DSCC1: variants seen among roughly 807,000 people sequenced by gnomAD.
The protein encoded by DSCC1 is sister chromatid cohesion protein DCC1.
Under a neutral mutation model 48.2 loss-of-function variants are expected in DSCC1, and 32 were observed. The ratio of observed to expected loss-of-function variants is 0.66; its 90% confidence interval spans 0.50 to 0.89. DSCC1 has a LOEUF of 0.89. Among genes scored for constraint, DSCC1 ranks in the 40% least tolerant of loss-of-function variants. DSCC1 has a pLI of 0.00. For synonymous variants in DSCC1, 150 were observed against 171.5 expected, an observed-to-expected ratio of 0.87 and a Z score of 0.98; for missense variants, 421 against 471.7, an observed-to-expected ratio of 0.89 and a Z score of 1.00.
At chr8:119,843,398 T>C (rs1826804023) in intron 5 of DSCC1, among the ~76,000 whole-genome samples, 1 of 152,210 alleles carries the variant, frequency 6.6e-6, no homozygotes, top group Non-Finnish European at 1.5e-5. Context: ...TATTTCTTTA[T>C]ATTTTTATGG....
rs1456819093 is a variant in DSCC1, at chr8:119,854,869, AC to A, written c.182+744del. ...ACTCTTTGGTGGGCAAAGTACGAAA[AC>A]TGAAAGACAGCCTAAAGGATTCCAT... On this transcript the variant is annotated intron_variant, in intron 1 of 8. Coordinates refer to ENST00000313655, the MANE Select transcript of DSCC1 (RefSeq NM_024094.3). Among the ~76,000 whole-genome samples, 3 of 152,344 alleles carry A rather than the reference AC, an allele frequency of 2.0e-5. No individual in the cohort carries two copies. In the South Asian group the frequency reaches 6.2e-4, roughly 32 times the overall value.
chr8:119,839,805 C>A (rs1826740744), intron 7 of DSCC1: 1 of 152,250 alleles, frequency 6.6e-6, no homozygotes, highest in South Asian at 2.1e-4. Flanking sequence ...ACCGTGCTCT[C>A]CTAGATTTCC....
At chr8:119,847,661 CTTTTTCT>C (rs143130022) in intron 3 of DSCC1, among the ~76,000 whole-genome samples, 54,738 of 141,304 alleles carry the variant, frequency 0.39, 10,131 homozygotes, top group South Asian at 0.56. Flanking sequence ...ATTTTTTCTT[CTTTTTCT>C]TTTTTTTTTT....
At chr8:119,836,770 A>G (rs1268715468) in intron 8 of DSCC1, among the ~76,000 whole-genome samples, 2 of 152,090 alleles carry the variant, frequency 1.3e-5, no homozygotes, top group African/African-American at 4.8e-5. Flanking sequence ...GGCCTAGATG[A>G]GGGCACCAAA....
At chr8:119,845,970 C>T (rs1236881098) in intron 4 of DSCC1, among the ~76,000 whole-genome samples, 1 of 151,988 alleles carries the variant, frequency 6.6e-6, no homozygotes, top group African/African-American at 2.4e-5. Flanking sequence ...ATTAATTTTG[C>T]TAGGAGTTCA....
intron 7 of DSCC1, chr8:119,840,398 A>G (rs1375177264): frequency 6.6e-6 from 1 of 152,236 alleles, no homozygotes; most frequent in East Asian, 1.9e-4. Context: ...GGAGGTGACC[A>G]GATGAAATTA....
chr8:119,847,863 C>T (rs1826881561), intron 3 of DSCC1, among the ~76,000 whole-genome samples: 1 of 152,060 alleles, frequency 6.6e-6, no homozygotes, highest in Admixed American at 6.5e-5. Context: ...CACGGTTTCT[C>T]CGTGTAGGTC....
intron 2 of DSCC1, 25 bp downstream of exon 2, chr8:119,853,022 T>A: frequency 6.6e-7 from 1 of 1,512,784 alleles, no homozygotes; most frequent in Non-Finnish European, 8.9e-7. Context: ...CAGACTTTTA[T>A]AAATCAGAGT....
chr8:119,845,659 A>G (rs1270521974), intron 4 of DSCC1, among the ~76,000 whole-genome samples: 1 of 150,566 alleles, frequency 6.6e-6, no homozygotes, highest in Non-Finnish European at 1.5e-5. Context: ...AAAAAAAAAA[A>G]GCTTTAGGGC....
intron 8 of DSCC1, among the ~76,000 whole-genome samples, chr8:119,836,425 G>C (rs1274769787): frequency 1.3e-5 from 2 of 152,172 alleles, no homozygotes; most frequent in African/African-American, 4.8e-5. Context: ...AAGGAGAAAG[G>C]AGAAGGGGGC....
At chr8:119,847,667 CTT>C (rs869072335) in intron 3 of DSCC1, among the ~76,000 whole-genome samples, 9 of 52,908 alleles carry the variant, frequency 1.7e-4, no homozygotes, top group Admixed American at 4.8e-4. Flanking sequence ...TCTTCTTTTT[CTT>C]TTTTTTTTTT....
chr8:119,849,180 C>T (rs1563946456), intron 3 of DSCC1, among the ~76,000 whole-genome samples: 2 of 71,238 alleles, frequency 2.8e-5, no homozygotes, highest in African/African-American at 1.0e-4. Flanking sequence ...GCGAGACTCC[C>T]TCTCAAAAAA....
chr8:119,848,725 T>C (rs1826898324), intron 3 of DSCC1, among the ~76,000 whole-genome samples: 1 of 152,224 alleles, frequency 6.6e-6, no homozygotes, highest in Non-Finnish European at 1.5e-5. Flanking sequence ...CAAATGTCTA[T>C]TAGCTGACAA....
rs1414089701 is a variant in DSCC1, at chr8:119,855,866, C to T, written c.-71G>A. The T allele has an allele frequency of 3.4e-5, 48 of 1,398,322 alleles. No homozygotes were observed. Among genetic ancestry groups the T allele is most frequent in the Non-Finnish European group, 3.7e-6 (4 of 1,074,792 alleles). The allele number at this position is 1,398,322 out of a possible 1,614,324, so 86.6% of individuals were successfully genotyped here. On this transcript the variant is annotated 5_prime_UTR_variant, in exon 1 of 9. Transcript: ENST00000313655. ...GCTTGGCGGGCAAGAAAGAAGTTCC[C>T]AAGCAGCCGGAAGGTAGGAAACCTG...
intron 4 of DSCC1, among the ~76,000 whole-genome samples, chr8:119,846,371 CA>C (rs1826857754): frequency 6.6e-6 from 1 of 152,116 alleles, no homozygotes; most frequent in African/African-American, 2.4e-5. Flanking sequence ...CTCGGCCTCC[CA>C]AAGTGCTGGC....
intron 1 of DSCC1, 147 bp from the exon 2 acceptor site, chr8:119,853,362 TC>T: frequency 1.2e-6 from 1 of 849,630 alleles, no homozygotes; most frequent in Non-Finnish European, 1.7e-6. Flanking sequence ...AATGCTGGAT[TC>T]CACACAGCAA....
At chr8:119,842,741 A>T in intron 6 of DSCC1, 35 bp downstream of exon 6, 1 of 1,574,390 alleles carries the variant, frequency 6.4e-7, no homozygotes, top group East Asian at 2.2e-5. Context: ...GTTTTAACAT[A>T]TAAGAGTTAA....
chr8:119,848,993 G>A (rs1056613511), intron 3 of DSCC1, among the ~76,000 whole-genome samples: 71 of 151,934 alleles, frequency 4.7e-4, no homozygotes, highest in African/African-American at 1.4e-3. Context: ...GACCATCCTG[G>A]CTAACACGGT....
chr8:119,847,992 T>TAAAAA (rs113250934), intron 3 of DSCC1, among the ~76,000 whole-genome samples: 8,244 of 151,266 alleles, frequency 0.054, 283 homozygotes, highest in African/African-American at 0.096. Context: ...TTGTTTTTTT[T>TAAAAA]AAATACAGAG....
Sources: gnomAD v4.1 joint callset for allele counts (sites outside exome capture counted in the v4.1 genomes callset) on GRCh38, gnomAD v4.1.1 for gene constraint, MANE v1.5 for transcripts, NCBI Gene and HGNC (gene_info 2026-07-23, HGNC 2026-07-21) for gene names.